The following PPM1H variants were observed in gnomAD, a reference collection of about 807,000 sequenced individuals.
PPM1H encodes protein phosphatase 1H.
PPM1H carries 27 observed loss-of-function variants against 54.9 expected under a neutral mutation model. The ratio of observed to expected loss-of-function variants is 0.49; its 90% CI spans 0.36 to 0.68. The LOEUF (loss-of-function observed/expected upper bound fraction) is 0.68, where lower values mean the gene tolerates loss of function less well. Ranked by LOEUF, PPM1H falls within the 30% of genes least tolerant of loss-of-function variation. The pLI, the probability that PPM1H is intolerant of heterozygous loss-of-function variation, is 0.00. For synonymous variants in PPM1H, 305 were observed against 270.8 expected (o/e 1.13, Z -1.24); for missense variants, 596 against 667.8 (o/e 0.89, Z 1.19).
intron 4 of PPM1H, among the ~76,000 whole-genome samples, chr12:62,759,863 C>T (rs1306159581): frequency 6.6e-6 from 1 of 151,564 alleles, no homozygotes; most frequent in East Asian, 2.0e-4. Flanking sequence ...GCATCTCCCA[C>T]CCTGTTTCCA....
At chr12:62,658,548 C>T (rs868165056) in intron 9 of PPM1H, among the ~76,000 whole-genome samples, 1 of 152,074 alleles carries the variant, frequency 6.6e-6, no homozygotes, top group African/African-American at 2.4e-5. Flanking sequence ...TCAGAAAACC[C>T]TTTCCAGGTT....
chr12:62,894,187 C>G (rs1592659440), intron 1 of PPM1H, among the ~76,000 whole-genome samples: 1 of 152,104 alleles, frequency 6.6e-6, no homozygotes. Flanking sequence ...GTGTTTAAGT[C>G]ACTAAGTTGG....
At chr12:62,796,525 T>G (rs1173956968) in intron 3 of PPM1H, among the ~76,000 whole-genome samples, 2 of 152,184 alleles carry the variant, frequency 1.3e-5, no homozygotes, top group Admixed American at 1.3e-4. Context: ...TAAAGGATAT[T>G]ACAAAGGATA....
At chr12:62,771,295 GACACACACACACACACACACACACAC>G (rs4026219) in intron 4 of PPM1H, among the ~76,000 whole-genome samples, 17 of 131,876 alleles carry the variant, frequency 1.3e-4, no homozygotes, top group Non-Finnish European at 4.9e-5. Flanking sequence ...ACTTTGTGAA[GACACACACACACACACACACACACAC>G]ACACACACAC....
At chr12:62,855,643 C>A (rs1362235979) in intron 1 of PPM1H, among the ~76,000 whole-genome samples, 2 of 152,130 alleles carry the variant, frequency 1.3e-5, no homozygotes, top group Non-Finnish European at 1.5e-5. Flanking sequence ...TTCCGGTAAT[C>A]AGTAGAAAGT....
intron 1 of PPM1H, among the ~76,000 whole-genome samples, chr12:62,919,431 G>A (rs548135686): frequency 1.3e-5 from 2 of 151,872 alleles, no homozygotes; most frequent in Admixed American, 6.6e-5. Context: ...ATGTTGCGGG[G>A]TGGGGGCTGG....
chr12:62,905,752 G>A (rs1379111175), intron 1 of PPM1H, among the ~76,000 whole-genome samples: 3 of 152,122 alleles, frequency 2.0e-5, no homozygotes, highest in Admixed American at 1.3e-4. Context: ...TGATGAATTC[G>A]CTAAATGTTC....
intron 3 of PPM1H, among the ~76,000 whole-genome samples, chr12:62,789,653 T>A (rs2076692709): frequency 6.6e-6 from 1 of 152,210 alleles, no homozygotes; most frequent in African/African-American, 2.4e-5. Flanking sequence ...AACTCTCATA[T>A]CGTCCTCAAG....
At chr12:62,802,400 G>T (rs752575298) in intron 2 of PPM1H, among the ~76,000 whole-genome samples, 1 of 152,094 alleles carries the variant, frequency 6.6e-6, no homozygotes, top group African/African-American at 2.4e-5. Context: ...AGGATGAAGC[G>T]GTCTCTGCCT....
In PPM1H at chr12:62,914,087, A is replaced by G. The variant is rs546284006; in HGVS notation, c.245+20405T>C. On this transcript the variant is annotated intron_variant, in intron 1 of 9. Coordinates refer to ENST00000228705, the MANE Select transcript of PPM1H (RefSeq NM_020700.2). ...GTCTCAGGTTGAAATCTGATCCCCAATGTTGAAATTGGAGCCTAGTGGGAG... is the reference window on the plus strand; with the variant it reads ...GTCTCAGGTTGAAATCTGATCCCCAGTGTTGAAATTGGAGCCTAGTGGGAG... 7.2e-5 allele frequency among the ~76,000 whole-genome samples: 11 copies of G among 152,278 alleles called. No homozygotes were observed. In the South Asian group the frequency reaches 1.7e-3, roughly 23 times the overall value.
intron 2 of PPM1H, among the ~76,000 whole-genome samples, chr12:62,810,655 T>C (rs141556149): frequency 3.8e-4 from 58 of 152,346 alleles, no homozygotes; most frequent in African/African-American, 1.2e-3. Context: ...AAATGCTGGA[T>C]ATTTACTTAC....
intron 8 of PPM1H, among the ~76,000 whole-genome samples, chr12:62,682,928 C>A (rs1285510147): frequency 6.6e-6 from 1 of 151,746 alleles, no homozygotes; most frequent in Non-Finnish European, 1.5e-5. Context: ...CTCAAGTGAT[C>A]CTCCCACCTC....
chr12:62,649,684 A>G (rs1447755855), intron 9 of PPM1H, among the ~76,000 whole-genome samples: 2 of 152,232 alleles, frequency 1.3e-5, no homozygotes, highest in Non-Finnish European at 2.9e-5. Context: ...CCTCCTGATT[A>G]TGATCTGCCT....
intron 3 of PPM1H, among the ~76,000 whole-genome samples, chr12:62,792,753 T>G (rs975715112): frequency 1.3e-5 from 2 of 152,178 alleles, no homozygotes; most frequent in African/African-American, 4.8e-5. Context: ...AGCACATTTA[T>G]TTTTTCCCTA....
At chr12:62,841,244 A>G (rs149784804) in intron 1 of PPM1H, among the ~76,000 whole-genome samples, 126 of 152,332 alleles carry the variant, frequency 8.3e-4, no homozygotes, top group African/African-American at 2.9e-3. Flanking sequence ...GCCAAGTTCA[A>G]CTTAAACAGT....
chr12:62,895,026 T>A (rs1216692043), intron 1 of PPM1H, among the ~76,000 whole-genome samples: 3 of 152,226 alleles, frequency 2.0e-5, no homozygotes, highest in Non-Finnish European at 4.4e-5. Context: ...TAGTTATTCA[T>A]CTCCATCTTC....
At chr12:62,731,296 G>A (rs987359966) in intron 5 of PPM1H, among the ~76,000 whole-genome samples, 1 of 152,108 alleles carries the variant, frequency 6.6e-6, no homozygotes, top group Non-Finnish European at 1.5e-5. Flanking sequence ...ATTCTCCCAG[G>A]GAGCAAAACA....
At chr12:62,902,221 C>T (rs1034017009) in intron 1 of PPM1H, among the ~76,000 whole-genome samples, 4 of 151,622 alleles carry the variant, frequency 2.6e-5, no homozygotes, top group African/African-American at 9.7e-5. Flanking sequence ...ATTAGCCGGT[C>T]GTGGTGGTGG....
At chr12:62,880,103 A>G (rs1870336051) in intron 1 of PPM1H, among the ~76,000 whole-genome samples, 1 of 151,878 alleles carries the variant, frequency 6.6e-6, no homozygotes, top group Admixed American at 6.6e-5. Context: ...CATTGAAAGG[A>G]GAGAGAGAGA....
Sources: allele counts gnomAD v4.1 joint callset (sites outside exome capture counted in the v4.1 genomes callset), GRCh38; gene constraint gnomAD v4.1.1; transcripts MANE v1.5; gene names NCBI Gene and HGNC (gene_info 2026-07-23, HGNC 2026-07-21).